Variants in BCKDHA observed in about 807,000 individuals in gnomAD.
BCKDHA encodes the protein branched chain keto acid dehydrogenase E1 subunit alpha.
In BCKDHA, 43 loss-of-function variants were observed where a neutral mutation model predicts 52.2. The ratio of observed to expected loss-of-function variants is 0.82; its 90% CI spans 0.64 to 1.06. The LOEUF (loss-of-function observed/expected upper bound fraction) is 1.06, where lower values mean the gene tolerates loss of function less well. Ranked by LOEUF, BCKDHA falls within the 50% of genes least tolerant of loss-of-function variation. BCKDHA has a pLI of 0.00. For synonymous variants in BCKDHA, 234 were observed against 247.9 expected, an observed-to-expected ratio of 0.94 and a Z score of 0.53; for missense variants, 527 against 621.3, an observed-to-expected ratio of 0.85 and a Z score of 1.61.
At chr19:41,415,779 G>C (rs1225012427) in intron 4 of BCKDHA, among the ~76,000 whole-genome samples, 1 of 151,628 alleles carries the variant, frequency 6.6e-6, no homozygotes, top group East Asian at 1.9e-4. Context: ...CTCCCGAGTA[G>C]CTGGGACTAC....
At chr19:41,413,298 G>A (rs1240375367) in intron 3 of BCKDHA, among the ~76,000 whole-genome samples, 1 of 152,196 alleles carries the variant, frequency 6.6e-6, no homozygotes, top group Non-Finnish European at 1.5e-5. Flanking sequence ...GCCACCTCTG[G>A]CTGCAAGGGA....
Position 41,424,497 on chromosome 19 carries a change from C to A in BCKDHA, c.1227C>A (p.Phe409Leu). 6.2e-7 allele frequency: 1 copy of A among 1,614,184 alleles called. No homozygotes were observed. The highest frequency in any genetic ancestry group is 1.1e-5 in the South Asian group (1 of 91,084). The change falls in exon 9 of 9, where the codon TTC (phenylalanine) becomes TTA (leucine). Residue 409 changes from phenylalanine to leucine, a missense_variant. Physicochemically the swap from Phe to Leu is conservative, Grantham distance 22. Coordinates refer to ENST00000269980, the MANE Select transcript of BCKDHA (RefSeq NM_000709.4). ...CCAAACCCAACCCCAACCTACTCTT[C>A]TCAGACGTGTATCAGGAGATGCCCG... The part of the protein sequence containing the change: ...RKPKPNPNLL[F>L]SDVYQEMPAQ...
intron 1 of BCKDHA, among the ~76,000 whole-genome samples, chr19:41,402,984 C>T (rs2039154220): frequency 6.6e-6 from 1 of 152,104 alleles, no homozygotes; most frequent in Non-Finnish European, 1.5e-5. Flanking sequence ...CCACTTCAGT[C>T]CCCCTGGCCA....
At chr19:41,400,784 C>T (rs1042725834) in intron 1 of BCKDHA, among the ~76,000 whole-genome samples, 2 of 150,586 alleles carry the variant, frequency 1.3e-5, no homozygotes, top group Non-Finnish European at 3.0e-5. Context: ...CCAAGGTGGG[C>T]GGGTTGCCTG....
intron 1 of BCKDHA, among the ~76,000 whole-genome samples, chr19:41,405,993 TG>T (rs1421276204): frequency 6.6e-6 from 1 of 152,040 alleles, no homozygotes; most frequent in African/African-American, 2.4e-5. Flanking sequence ...GAGGAACAGA[TG>T]GGTGGAGTCG....
At chr19:41,398,026 G>A in intron 1 of BCKDHA, 91 bp downstream of exon 1, 1 of 1,105,294 alleles carries the variant, frequency 9.0e-7, no homozygotes, top group Non-Finnish European at 1.3e-6. Context: ...GGATATGAAG[G>A]AAGGGCTGTC....
At chr19:41,398,268 CCTT>C (rs2039098853) in intron 1 of BCKDHA, among the ~76,000 whole-genome samples, 1 of 152,118 alleles carries the variant, frequency 6.6e-6, no homozygotes, top group Admixed American at 6.5e-5. Flanking sequence ...GACCGCAAGA[CCTT>C]CTCCCTCAGG....
At chr19:41,410,606 T>A (rs894335147) in intron 1 of BCKDHA, 31 bp from the exon 2 acceptor site, 33 of 1,613,364 alleles carry the variant, frequency 2.0e-5, no homozygotes, top group African/African-American at 2.7e-5. Context: ...CTGCTTCTGA[T>A]GCAGGTGGTC....
At chr19:41,414,448 C>T (rs1335869659) in intron 4 of BCKDHA, among the ~76,000 whole-genome samples, 1 of 152,080 alleles carries the variant, frequency 6.6e-6, no homozygotes, top group African/African-American at 2.4e-5. Flanking sequence ...TTCTAATCTC[C>T]AGAAGAGGGA....
At chr19:41,406,004 G>A (rs773460861) in intron 1 of BCKDHA, among the ~76,000 whole-genome samples, 6 of 152,076 alleles carry the variant, frequency 3.9e-5, no homozygotes, top group East Asian at 1.9e-4. Context: ...GGGTGGAGTC[G>A]CATCCTTCCT....
rs1469267683 is a variant in BCKDHA, at chr19:41,410,631, C to T, written c.109-6C>T. 1 of 1,614,156 alleles carries T rather than the reference C, an allele frequency of 6.2e-7. No homozygotes were observed. Among genetic ancestry groups the T allele is most frequent in the Non-Finnish European group, 8.5e-7 (1 of 1,180,022 alleles). On this transcript the variant is annotated splice_polypyrimidine_tract_variant and splice_region_variant and intron_variant, in intron 1 of 8. Coordinates refer to ENST00000269980, the MANE Select transcript of BCKDHA (RefSeq NM_000709.4). The stretch of plus-strand genomic sequence containing the variant: ...TGCAGGTGGTCTCCTCTGCTCTCTT[C>T]CCCAGCACCCCCCCAGGCAGCAGCA...
chr19:41,422,082 G>C (rs1231796039), intron 5 of BCKDHA, 82 bp from the exon 6 acceptor site: 29 of 1,386,308 alleles, frequency 2.1e-5, no homozygotes, highest in Non-Finnish European at 2.9e-5. Context: ...AGCCACGCTT[G>C]AGCCGTGGGT....
intron 1 of BCKDHA, among the ~76,000 whole-genome samples, chr19:41,398,580 C>T (rs539905303): frequency 1.3e-5 from 2 of 152,164 alleles, no homozygotes; most frequent in Admixed American, 6.5e-5. Flanking sequence ...GAGGTACAGA[C>T]AGGGCACTTT....
At chr19:41,418,705 A>ATT (rs745426524) in intron 4 of BCKDHA, 666 of 405,190 alleles carry the variant, frequency 1.6e-3, no homozygotes, top group Middle Eastern at 4.8e-3. Flanking sequence ...TAATGTTTTG[A>ATT]TTTTTTTTTT....
Position 41,414,092 on chromosome 19 carries a change from C to T in BCKDHA, c.419C>T (p.Thr140Met), listed in dbSNP as rs1253000737. ...FYMTNYGEEG[T>M]HVGSAAALDN... ...ATGACCAACTATGGTGAGGAGGGCACGCACGTGGGGAGTGCCGCCGCCCTG... is the reference window on the plus strand; with the variant it reads ...ATGACCAACTATGGTGAGGAGGGCATGCACGTGGGGAGTGCCGCCGCCCTG... The change falls in exon 4 of 9, where the codon ACG (threonine) becomes ATG (methionine). Residue 140 changes from threonine to methionine, a missense_variant. Physicochemically the swap from Thr to Met is moderately conservative, Grantham distance 81 (BLOSUM62 -1). Transcript: ENST00000269980. 3.7e-6 allele frequency: 6 copies of T among 1,613,760 alleles called. No individual in the cohort carries two copies. Among genetic ancestry groups the T allele is most frequent in the Non-Finnish European group, 4.2e-6 (5 of 1,180,036 alleles).
At chr19:41,413,176 G>C (rs943271963) in intron 3 of BCKDHA, among the ~76,000 whole-genome samples, 1 of 152,222 alleles carries the variant, frequency 6.6e-6, no homozygotes, top group African/African-American at 2.4e-5. Context: ...CTGTCTGCAA[G>C]GCAGGAAGAA....
intron 3 of BCKDHA, among the ~76,000 whole-genome samples, chr19:41,412,848 C>T (rs1169080587): frequency 4.6e-5 from 7 of 152,002 alleles, no homozygotes; most frequent in African/African-American, 4.8e-5. Context: ...GGATTACAGG[C>T]GCCCACCACC....
intron 3 of BCKDHA, 83 bp from the exon 4 acceptor site, chr19:41,413,966 G>A (rs2039282163): frequency 4.2e-6 from 5 of 1,193,810 alleles, no homozygotes; most frequent in Non-Finnish European, 6.2e-6. Context: ...TGGAGGTGTT[G>A]GAAGCTGGGC....
At chr19:41,402,705 G>A (rs145726678) in intron 1 of BCKDHA, among the ~76,000 whole-genome samples, 3 of 152,284 alleles carry the variant, frequency 2.0e-5, no homozygotes, top group African/African-American at 7.2e-5. Context: ...GCAGTGGCGT[G>A]ATTTCTGCTC....
Sources: allele counts gnomAD v4.1 joint callset (sites outside exome capture counted in the v4.1 genomes callset), GRCh38; gene constraint gnomAD v4.1.1; transcripts MANE v1.5; gene names NCBI Gene and HGNC (gene_info 2026-07-23, HGNC 2026-07-21).